Variants in CCDC141 observed in about 807,000 individuals in gnomAD.
CCDC141 encodes the protein coiled-coil domain-containing protein 141.
A neutral mutation model predicts 181.0 loss-of-function variants in CCDC141; 168 were observed. The ratio of observed to expected loss-of-function variants is 0.93; its 90% CI spans 0.82 to 1.05. The LOEUF (loss-of-function observed/expected upper bound fraction) is 1.05, where lower values mean the gene tolerates loss of function less well. CCDC141 is among the 50% of genes least tolerant of loss of function. The pLI is 0.00. For missense variants in CCDC141, 1,902 were observed against 1,788.5 expected, an observed-to-expected ratio of 1.06 and a Z score of -1.14; for synonymous variants, 666 against 642.3, an observed-to-expected ratio of 1.04 and a Z score of -0.56.
Position 178,832,479 on chromosome 2 carries a change from AAAAACAAAAAAAAC to A in CCDC141, c.*1680_*1693del, listed in dbSNP as rs1684291787. On this transcript the variant is annotated 3_prime_UTR_variant, in exon 24 of 24. Coordinates refer to ENST00000443758, the MANE Select transcript of CCDC141 (RefSeq NM_173648.4). ...AGACTCTTTCTCAAAAAAAAAAAAA[AAAAACAAAAAAAAC>A]AAAAAAAAGATAGTTAAGAGAAATT... The A allele has an allele frequency of 1.5e-5, 2 of 134,326 alleles. No homozygotes were observed. Among genetic ancestry groups the A allele is most frequent in the African/African-American group, 5.5e-5 (2 of 36,600 alleles). 8.3% of individuals were successfully genotyped at this position (134,326 alleles called of 1,614,324 possible). A position where few individuals can be genotyped will look rare whatever the true frequency, so the allele number is the denominator to read the frequency against.
chr2:178,912,699 T>C (rs928327919), intron 7 of CCDC141, among the ~76,000 whole-genome samples: 1 of 152,192 alleles, frequency 6.6e-6, no homozygotes, highest in Non-Finnish European at 1.5e-5. Flanking sequence ...TCTGCATATA[T>C]AAAGACATGT....
At chr2:178,907,727 C>T (rs959763085) in intron 7 of CCDC141, among the ~76,000 whole-genome samples, 2 of 152,296 alleles carry the variant, frequency 1.3e-5, no homozygotes, top group East Asian at 3.9e-4. Context: ...GGCACGGTGG[C>T]TCACACCTGT....
chr2:178,893,220 G>A (rs1171355661), intron 8 of CCDC141, among the ~76,000 whole-genome samples: 2 of 106,232 alleles, frequency 1.9e-5, no homozygotes, highest in African/African-American at 2.8e-5. Flanking sequence ...AAAAATAATT[G>A]CTTTTTTTTT....
intron 2 of CCDC141, among the ~76,000 whole-genome samples, chr2:179,044,462 T>A (rs1476849978): frequency 1.3e-5 from 2 of 152,054 alleles, no homozygotes; most frequent in African/African-American, 4.8e-5. Context: ...GTATGCAAAT[T>A]TGAGCACAGG....
intron 8 of CCDC141, among the ~76,000 whole-genome samples, chr2:178,900,004 T>C (rs916255530): frequency 2.0e-5 from 3 of 152,186 alleles, no homozygotes; most frequent in Non-Finnish European, 4.4e-5. Context: ...TGGGTTTTTA[T>C]TCTAGATCTA....
chr2:178,876,187 C>G (rs1369009609), intron 12 of CCDC141: 1 of 152,106 alleles, frequency 6.6e-6, no homozygotes, highest in South Asian at 2.1e-4. Context: ...TAGAACCTAA[C>G]TCTTCCAAAT....
At chr2:178,924,499 T>TA (rs1688837564) in intron 6 of CCDC141, among the ~76,000 whole-genome samples, 1 of 152,198 alleles carries the variant, frequency 6.6e-6, no homozygotes, top group Non-Finnish European at 1.5e-5. Context: ...TTTTTTTTTT[T>TA]ACAGAAATGT....
intron 17 of CCDC141, among the ~76,000 whole-genome samples, chr2:178,857,306 T>C (rs1350487909): frequency 3.9e-5 from 6 of 152,172 alleles, no homozygotes; most frequent in Non-Finnish European, 8.8e-5. Context: ...AGACCCAATA[T>C]GAGATTTAGT....
At chr2:178,863,620 C>T (rs111913940) in intron 17 of CCDC141, among the ~76,000 whole-genome samples, 17 of 152,208 alleles carry the variant, frequency 1.1e-4, no homozygotes, top group African/African-American at 3.6e-4. Context: ...CTAAGGGACA[C>T]GGAAAATATT....
At chr2:178,821,190 C>A in the CCDC141 span, among the ~76,000 whole-genome samples, 1 of 151,984 alleles carries the variant, frequency 6.6e-6, no homozygotes, top group Non-Finnish European at 1.5e-5. Flanking sequence ...TGAATAAGAG[C>A]CTGATTATTT....
intron 2 of CCDC141, among the ~76,000 whole-genome samples, chr2:179,033,317 A>C (rs1445107405): frequency 6.6e-6 from 1 of 152,100 alleles, no homozygotes; most frequent in Non-Finnish European, 1.5e-5. Flanking sequence ...TATATATTGT[A>C]AGTCATCTAT....
intron 2 of CCDC141, among the ~76,000 whole-genome samples, chr2:179,038,272 C>A (rs76819488): frequency 1.3e-5 from 2 of 152,216 alleles, no homozygotes; most frequent in African/African-American, 4.8e-5. Context: ...CACAAAAGGA[C>A]AAATATTGTG....
intron 2 of CCDC141, among the ~76,000 whole-genome samples, chr2:179,015,103 T>TATATA (rs1349211734): frequency 7.1e-5 from 2 of 28,212 alleles, no homozygotes; most frequent in African/African-American, 1.8e-4. Context: ...TATATATATA[T>TATATA]AATATATATA....
chr2:179,020,221 C>A (rs905585782), intron 2 of CCDC141, among the ~76,000 whole-genome samples: 2 of 152,068 alleles, frequency 1.3e-5, no homozygotes, highest in African/African-American at 2.4e-5. Flanking sequence ...ATGTAAGGAG[C>A]TTTAGGGTTA....
chr2:178,951,194 T>C (rs922044201), intron 5 of CCDC141, among the ~76,000 whole-genome samples: 1 of 152,254 alleles, frequency 6.6e-6, no homozygotes, highest in Non-Finnish European at 1.5e-5. Context: ...TGTGTATCCC[T>C]GCCAAAGATA....
chr2:178,977,620 T>C (rs1316642303), intron 3 of CCDC141, among the ~76,000 whole-genome samples: 3 of 152,198 alleles, frequency 2.0e-5, no homozygotes, highest in African/African-American at 7.2e-5. Context: ...GATTGCCTAC[T>C]CCAATTTTTA....
At chr2:179,032,973 CATT>C (rs1318999834) in intron 2 of CCDC141, among the ~76,000 whole-genome samples, 1 of 145,668 alleles carries the variant, frequency 6.9e-6, no homozygotes, top group South Asian at 2.1e-4. Context: ...CACATTTATA[CATT>C]ATTATATATC....
chr2:178,949,257 A>T (rs1689853448), intron 5 of CCDC141, among the ~76,000 whole-genome samples: 1 of 152,182 alleles, frequency 6.6e-6, no homozygotes, highest in South Asian at 2.1e-4. Flanking sequence ...AAGGTAAAAG[A>T]AGTTAACTAG....
rs148645550 is a variant in CCDC141 at position 179,031,592 on chromosome 2, C to G, written c.225+15692G>C. Among the ~76,000 whole-genome samples the G allele has an allele frequency of 2.5e-3, 376 of 152,032 alleles. 1 individual carries two copies. Among genetic ancestry groups the G allele is most frequent in the Non-Finnish European group, 4.2e-3 (283 of 67,974 alleles). ...AAAAGCTTAGATCATCAATTTGAGA[C>G]ATTTATTCTTTTGTAATGTAAACAT... On this transcript the variant is annotated intron_variant, in intron 2 of 23. Transcript: ENST00000443758.
Sources: allele counts gnomAD v4.1 joint callset (sites outside exome capture counted in the v4.1 genomes callset), GRCh38; gene constraint gnomAD v4.1.1; transcripts MANE v1.5; gene names NCBI Gene and HGNC (gene_info 2026-07-23, HGNC 2026-07-21).